The following KCNIP4 variants were observed in gnomAD, a reference collection of about 807,000 sequenced individuals.
KCNIP4 encodes potassium voltage-gated channel interacting protein 4.
KCNIP4 carries 12 observed loss-of-function variants against 34.0 expected under a neutral mutation model. The ratio of observed to expected loss-of-function variants is 0.35; its 90% CI spans 0.23 to 0.57. The LOEUF is 0.57. Among genes scored for constraint, KCNIP4 ranks in the 20% least tolerant of loss-of-function variants. The pLI is 0.83. For missense variants in KCNIP4, 238 were observed against 311.7 expected (o/e 0.76, Z 1.78); for synonymous variants, 124 against 102.2 (o/e 1.21, Z -1.29).
At chr4:21,569,234 T>TAAAAAAAAAAAAAAAAAAAAAAAA (rs71191521) in intron 1 of KCNIP4, among the ~76,000 whole-genome samples, 3 of 25,186 alleles carry the variant, frequency 1.2e-4, no homozygotes, top group East Asian at 2.8e-3. Flanking sequence ...ACTGATATTC[T>TAAAAAAAAAAAAAAAAAAAAAAAA]AAAAAAAAAA....
chr4:21,441,554 G>T (rs1238097131), intron 1 of KCNIP4, among the ~76,000 whole-genome samples: 1 of 152,074 alleles, frequency 6.6e-6, no homozygotes, highest in Non-Finnish European at 1.5e-5. Context: ...TGCATCAAAA[G>T]TCAAAAAGCA....
chr4:21,086,890 C>T (rs1746483026), intron 1 of KCNIP4, among the ~76,000 whole-genome samples: 1 of 151,344 alleles, frequency 6.6e-6, no homozygotes. Context: ...CCCTCCGTCC[C>T]TCCCTTCTTT....
intron 1 of KCNIP4, among the ~76,000 whole-genome samples, chr4:21,062,220 A>T (rs1743983566): frequency 6.6e-6 from 1 of 152,184 alleles, no homozygotes; most frequent in Non-Finnish European, 1.5e-5. Context: ...GTCCTCAAGC[A>T]AATCACAGAC....
intron 1 of KCNIP4, among the ~76,000 whole-genome samples, chr4:21,833,336 G>A (rs1200062924): frequency 3.3e-5 from 5 of 152,222 alleles, no homozygotes; most frequent in Non-Finnish European, 1.5e-5. Context: ...TTTTTCTGAT[G>A]GCAAGTGATG....
intron 1 of KCNIP4, among the ~76,000 whole-genome samples, chr4:21,335,566 G>A (rs1437547853): frequency 6.6e-6 from 1 of 152,140 alleles, no homozygotes; most frequent in East Asian, 1.9e-4. Context: ...ATTTTGCTAA[G>A]GCAGTTATTT....
intron 1 of KCNIP4, among the ~76,000 whole-genome samples, chr4:21,362,341 T>C (rs900288720): frequency 3.3e-5 from 5 of 152,216 alleles, no homozygotes; most frequent in African/African-American, 9.6e-5. Flanking sequence ...GTGAACCTTG[T>C]CTCCTGACCC....
chr4:20,742,592 A>C (rs912294772), intron 5 of KCNIP4, among the ~76,000 whole-genome samples: 3 of 152,294 alleles, frequency 2.0e-5, no homozygotes, highest in African/African-American at 7.2e-5. Flanking sequence ...TTTATGGCAA[A>C]CCCACAGCCA....
At chr4:21,136,381 C>T (rs930724818) in intron 1 of KCNIP4, among the ~76,000 whole-genome samples, 8 of 152,148 alleles carry the variant, frequency 5.3e-5, no homozygotes, top group Admixed American at 2.6e-4. Flanking sequence ...AAAGTACACA[C>T]GCACAATCTT....
At chr4:20,753,450 A>G (rs987131063) in intron 4 of KCNIP4, among the ~76,000 whole-genome samples, 2 of 152,088 alleles carry the variant, frequency 1.3e-5, no homozygotes, top group Non-Finnish European at 2.9e-5. Flanking sequence ...TCTTAACCCA[A>G]TTATATCGAG....
intron 1 of KCNIP4, among the ~76,000 whole-genome samples, chr4:21,919,867 G>C (rs1280038176): frequency 6.6e-6 from 1 of 152,192 alleles, no homozygotes; most frequent in African/African-American, 2.4e-5. Context: ...TTGCAGAAAA[G>C]TGAGAGAATC....
chr4:21,105,807 G>C (rs540114408), intron 1 of KCNIP4, among the ~76,000 whole-genome samples: 39 of 151,482 alleles, frequency 2.6e-4, no homozygotes, highest in South Asian at 8.3e-4. Context: ...TAGCATGAAG[G>C]GTTGTTGAAT....
intron 1 of KCNIP4, among the ~76,000 whole-genome samples, chr4:20,933,655 ATTG>A (rs1316182552): frequency 6.6e-6 from 1 of 152,064 alleles, no homozygotes; most frequent in African/African-American, 2.4e-5. Flanking sequence ...AGTCCAAACA[ATTG>A]TTACTTTAAG....
At chr4:21,174,019 G>T (rs747464420) in intron 1 of KCNIP4, among the ~76,000 whole-genome samples, 1 of 152,010 alleles carries the variant, frequency 6.6e-6, no homozygotes, top group Non-Finnish European at 1.5e-5. Flanking sequence ...TCCTCCTAAT[G>T]GGACACTGAT....
intron 1 of KCNIP4, among the ~76,000 whole-genome samples, chr4:21,445,545 T>C (rs1381989690): frequency 1.3e-5 from 2 of 152,186 alleles, no homozygotes; most frequent in Non-Finnish European, 2.9e-5. Flanking sequence ...ATTTAACAAA[T>C]GGTGCTGGGA....
chr4:21,680,213 T>C (rs922177237), intron 1 of KCNIP4, among the ~76,000 whole-genome samples: 6 of 152,242 alleles, frequency 3.9e-5, no homozygotes, highest in African/African-American at 1.4e-4. Flanking sequence ...GTTCACAGCA[T>C]CTTCATGAGG....
intron 1 of KCNIP4, chr4:21,849,211 T>G (rs927686847): frequency 1.1e-4 from 17 of 152,174 alleles, no homozygotes; most frequent in African/African-American, 4.1e-4. Flanking sequence ...GACTTTACTC[T>G]GTATTCTAAT....
chr4:21,295,292 G>T (rs747560584), intron 1 of KCNIP4, among the ~76,000 whole-genome samples: 1 of 152,142 alleles, frequency 6.6e-6, no homozygotes, highest in Non-Finnish European at 1.5e-5. Flanking sequence ...CCATGCCCTG[G>T]TGGTATCTGG....
chr4:21,255,781 A>G (rs1484413168), intron 1 of KCNIP4, among the ~76,000 whole-genome samples: 1 of 152,226 alleles, frequency 6.6e-6, no homozygotes, highest in East Asian at 1.9e-4. Flanking sequence ...ACACTGGGGT[A>G]TAAAGATGAC....
At chr4:21,369,210 A>C (rs1036041003) in intron 1 of KCNIP4, among the ~76,000 whole-genome samples, 2 of 147,430 alleles carry the variant, frequency 1.4e-5, no homozygotes, top group Non-Finnish European at 2.9e-5. Flanking sequence ...TTCTAGGCAC[A>C]GTATCTGGTA....
Sources: gnomAD v4.1 joint callset for allele counts (sites outside exome capture counted in the v4.1 genomes callset) on GRCh38, gnomAD v4.1.1 for gene constraint, MANE v1.5 for transcripts, NCBI Gene and HGNC (gene_info 2026-07-23, HGNC 2026-07-21) for gene names.